The following LRP5 variants were observed in gnomAD, a reference collection of about 807,000 sequenced individuals.
LRP5 encodes the protein low-density lipoprotein receptor-related protein 5.
In LRP5, 62 loss-of-function variants were observed where a neutral mutation model predicts 154.1. The observed-to-expected ratio is 0.40, with a 90% CI of 0.33 to 0.50. The LOEUF (loss-of-function observed/expected upper bound fraction) is 0.50, where lower values mean the gene tolerates loss of function less well. Ranked by LOEUF, LRP5 falls within the 20% of genes least tolerant of loss-of-function variation. LRP5 has a pLI of 0.55. For synonymous variants in LRP5, 966 were observed against 1,011.5 expected (o/e 0.96, Z 0.85); for missense variants, 1,915 against 2,336.7 (o/e 0.82, Z 3.72).
At chr11:68,335,363 C>T (rs758019006) in intron 1 of LRP5, among the ~76,000 whole-genome samples, 65 of 152,012 alleles carry the variant, frequency 4.3e-4, no homozygotes, top group Non-Finnish European at 7.7e-4. Flanking sequence ...CATGAGCCAC[C>T]GCACTCAGCC....
chr11:68,410,195 G>T, intron 10 of LRP5, 55 bp downstream of exon 10: 2 of 1,465,098 alleles, frequency 1.4e-6, no homozygotes, highest in Non-Finnish European at 1.9e-6. Flanking sequence ...GAGACAGTGC[G>T]GGGGTGCCAA....
intron 6 of LRP5, among the ~76,000 whole-genome samples, chr11:68,387,340 C>T (rs1198939936): frequency 6.6e-6 from 1 of 152,104 alleles, no homozygotes; most frequent in African/African-American, 2.4e-5. Flanking sequence ...GTCGCAAACT[C>T]CTGACCTCAG....
chr11:68,423,723 G>T lies in LRP5; in HGVS notation c.3236+26G>T, dbSNP rs373199383. ...GTAGGAGGCCAACGGGTGGGTGGGG[G>T]TGCTGCCCGTCCAGGCGTGCCCGCC... On this transcript the variant is annotated intron_variant, in intron 14 of 22. Coordinates refer to ENST00000294304, the MANE Select transcript of LRP5 (RefSeq NM_002335.4). The surrounding 1 kb of genome is among the most constrained non-coding windows in gnomAD (Gnocchi z 4.7). The T allele has an allele frequency of 1.1e-5, 17 of 1,590,948 alleles. No individual in the cohort carries two copies. The highest frequency in any genetic ancestry group is 4.0e-5 in the African/African-American group (3 of 74,384).
chr11:68,369,324 C>T (rs2098632816), intron 5 of LRP5, among the ~76,000 whole-genome samples: 1 of 152,136 alleles, frequency 6.6e-6, no homozygotes, highest in Admixed American at 6.5e-5. Flanking sequence ...TCTGTTGCCA[C>T]CATCGATTGG....
intron 1 of LRP5, among the ~76,000 whole-genome samples, chr11:68,330,621 G>T (rs1265267951): frequency 6.6e-6 from 1 of 152,272 alleles, no homozygotes; most frequent in African/African-American, 2.4e-5. Flanking sequence ...CTGGCTGCAT[G>T]AAGCCGTATC....
intron 1 of LRP5, among the ~76,000 whole-genome samples, chr11:68,321,393 T>A (rs2153114387): frequency 6.6e-6 from 1 of 152,344 alleles, no homozygotes; most frequent in East Asian, 1.9e-4. Context: ...GTGGTGAACT[T>A]CAGAGCCGTC....
chr11:68,447,356 T>C lies in LRP5; in HGVS notation c.4586+823T>C, dbSNP rs1159791769. Among the ~76,000 whole-genome samples the C allele has an allele frequency of 2.0e-5, 3 of 152,204 alleles. No homozygotes were observed. Among genetic ancestry groups the C allele is most frequent in the Non-Finnish European group, 4.4e-5 (3 of 68,024 alleles). On this transcript the variant is annotated intron_variant, in intron 22 of 22. Coordinates refer to ENST00000294304, the MANE Select transcript of LRP5 (RefSeq NM_002335.4). This position sits in a 1 kb window ranked among gnomAD's most constrained non-coding sequence, Gnocchi z 4.3. ...ACGCATTCCTCATTGCTTGGGTCCC[T>C]GGAGCAGCAGGGCCTCCCGAGTGTG...
At chr11:68,428,169 A>ATT (rs973449514) in intron 16 of LRP5, among the ~76,000 whole-genome samples, 1 of 151,220 alleles carries the variant, frequency 6.6e-6, no homozygotes, top group Non-Finnish European at 1.5e-5. Context: ...ATTTTTTTGT[A>ATT]TTTTTAGTAG....
intron 1 of LRP5, among the ~76,000 whole-genome samples, chr11:68,336,247 T>G (rs961370265): frequency 1.3e-5 from 2 of 152,164 alleles, no homozygotes; most frequent in Non-Finnish European, 2.9e-5. Flanking sequence ...GGAGGACTGG[T>G]GGGGACCTCT....
intron 7 of LRP5, among the ~76,000 whole-genome samples, chr11:68,392,672 C>T (rs977696107): frequency 1.3e-5 from 2 of 152,102 alleles, no homozygotes; most frequent in Admixed American, 6.6e-5. Context: ...CCCCTCTCTC[C>T]CAGCCTCTGT....
Position 68,312,760 on chromosome 11 carries a change from C to T in LRP5, c.46C>T (p.Leu16=). The change falls in exon 1 of 23, where the codon CTG becomes TTG. Residue 16 remains leucine (L), a synonymous_variant. Transcript: ENST00000294304. ...GCCGCCGTGGCCGCTGCTGCTGCTG[C>T]TGCTGCTGCTGCTGGCGCTGTGCGG... ...PGPPWPLLLL[L]LLLLALCGCP... The T allele has an allele frequency of 9.2e-7, 1 of 1,090,930 alleles. No individual in the cohort carries two copies. Among genetic ancestry groups the T allele is most frequent in the East Asian group, 8.9e-5 (1 of 11,246 alleles). 67.6% of individuals were successfully genotyped at this position (1,090,930 alleles called of 1,614,324 possible).
rs1185645450 is a variant in LRP5, at chr11:68,413,881, G to A, written c.2696G>A (p.Arg899His). Residue 899 changes from arginine (R) to histidine (H), a missense_variant, in exon 12 of 23, where the codon CGC (arginine) becomes CAC (histidine). Arg to His is a conservative substitution (Grantham distance 29). This residue lies in a region of LRP5 where 1,094 missense variants were observed against 1,210.1 expected (regional missense o/e 0.90). Coordinates refer to ENST00000294304, the MANE Select transcript of LRP5 (RefSeq NM_002335.4). The surrounding 1 kb of genome is among the most constrained non-coding windows in gnomAD (Gnocchi z 5.1). ...GACATCCTGGTGTTCCACTCCTCCC[G>A]CCAGGATGGCCTCAATGACTGTATG... Reference protein sequence around the residue: ...VMDILVFHSSRQDGLNDCMHN... With the variant: ...VMDILVFHSSHQDGLNDCMHN... 1.2e-6 allele frequency: 2 copies of A among 1,613,066 alleles called. No homozygotes were observed. Among genetic ancestry groups the A allele is most frequent in the East Asian group, 2.2e-5 (1 of 44,888 alleles).
At chr11:68,414,777 G>A (rs1047064575) in intron 12 of LRP5, among the ~76,000 whole-genome samples, 1 of 152,200 alleles carries the variant, frequency 6.6e-6, no homozygotes, top group Non-Finnish European at 1.5e-5. Context: ...GGCTGGTCTT[G>A]CCTGTCCCAG....
chr11:68,372,848 G>C (rs1591243019), intron 5 of LRP5, among the ~76,000 whole-genome samples: 1 of 152,132 alleles, frequency 6.6e-6, no homozygotes, highest in African/African-American at 2.4e-5. Flanking sequence ...GAGGACGGAG[G>C]GGGGTGTGCT....
At chr11:68,441,677 G>A (rs2098678296) in intron 21 of LRP5, among the ~76,000 whole-genome samples, 2 of 152,174 alleles carry the variant, frequency 1.3e-5, no homozygotes, top group South Asian at 4.1e-4. Context: ...TTCTCCCTTG[G>A]GAGCTGGGAG....
In LRP5 at chr11:68,403,982, C is replaced by T. The variant is rs1294687995; in HGVS notation, c.1801+283C>T. The T allele has an allele frequency of 1.1e-5, 6 of 530,746 alleles. No homozygotes were observed. The East Asian group carries it at 1.9e-4, about 17-fold the overall frequency. The allele number at this position is 530,746 out of a possible 1,614,324, so 32.9% of individuals were successfully genotyped here. A position where few individuals can be genotyped will look rare whatever the true frequency, so the allele number is the denominator to read the frequency against. On this transcript the variant is annotated intron_variant, in intron 8 of 22. Transcript: ENST00000294304. ...CCGGCCCTGGCCGGGAGCCTTCGTG[C>T]CCACAGTGACCCCGTCTGCAAATGT...
intron 2 of LRP5, among the ~76,000 whole-genome samples, chr11:68,350,696 G>A (rs1228332006): frequency 6.6e-6 from 1 of 152,254 alleles, no homozygotes; most frequent in Admixed American, 6.5e-5. Context: ...ACCAAGGCTG[G>A]TGTTTGGGAG....
chr11:68,384,782 C>G (rs2098642093), intron 5 of LRP5, among the ~76,000 whole-genome samples: 1 of 152,146 alleles, frequency 6.6e-6, no homozygotes, highest in Admixed American at 6.5e-5. Context: ...TGTAACCCCC[C>G]ACCCCCCAAA....
At chr11:68,349,562 G>A (rs931042017) in intron 2 of LRP5, among the ~76,000 whole-genome samples, 22 of 152,298 alleles carry the variant, frequency 1.4e-4, no homozygotes, top group Admixed American at 6.5e-4. Flanking sequence ...TCTCGGGTCC[G>A]TTCTGGAAGC....
Sources: allele counts gnomAD v4.1 joint callset (sites outside exome capture counted in the v4.1 genomes callset), GRCh38; gene constraint gnomAD v4.1.1; regional missense constraint gnomAD v4.1.1; non-coding constraint Gnocchi (gnomAD v3.1); transcripts MANE v1.5; gene names NCBI Gene and HGNC (gene_info 2026-07-23, HGNC 2026-07-21).